CTNNBL1: variants seen among roughly 807,000 people sequenced by gnomAD.
The protein encoded by CTNNBL1 is beta-catenin-like protein 1.
Under a neutral mutation model 72.7 loss-of-function variants are expected in CTNNBL1, and 31 were observed. The observed-to-expected ratio is 0.43, with a 90% CI of 0.32 to 0.58. CTNNBL1 has a LOEUF of 0.58. CTNNBL1 is among the 20% of genes least tolerant of loss of function. The pLI, the probability that CTNNBL1 is intolerant of heterozygous loss-of-function variation, is 0.08. For missense variants in CTNNBL1, 534 were observed against 725.1 expected, an observed-to-expected ratio of 0.74 and a Z score of 3.03; for synonymous variants, 240 against 267.3, an observed-to-expected ratio of 0.90 and a Z score of 1.00.
intron 12 of CTNNBL1, 63 bp from the exon 13 acceptor site, chr20:37,842,276 C>T: frequency 1.8e-6 from 2 of 1,122,386 alleles, no homozygotes; most frequent in Non-Finnish European, 2.7e-6. Flanking sequence ...ATAGGAGTGC[C>T]ACTGTTCTCT....
In CTNNBL1 at chr20:37,757,860, C is replaced by T. The variant is rs541468938; in HGVS notation, c.564+204C>T. 5.3e-4 allele frequency among the ~76,000 whole-genome samples: 80 copies of T among 152,244 alleles called. No homozygotes were observed. In the South Asian group the frequency reaches 8.9e-3, roughly 17 times the overall value. On this transcript the variant is annotated intron_variant, in intron 5 of 15. Transcript: ENST00000361383. The stretch of plus-strand genomic sequence containing the variant: ...TTGGGACTGTGTCAGGTAGAGGCCT[C>T]GCCCTTATTAAGTCTCTGCTGTGGG...
chr20:37,779,735 A>T (rs2073609474), intron 10 of CTNNBL1, among the ~76,000 whole-genome samples: 1 of 152,164 alleles, frequency 6.6e-6, no homozygotes, highest in African/African-American at 2.4e-5. Flanking sequence ...TATTGAAAGC[A>T]GCGTATCATT....
intron 10 of CTNNBL1, among the ~76,000 whole-genome samples, chr20:37,787,941 C>G (rs565225900): frequency 2.0e-5 from 3 of 152,142 alleles, no homozygotes; most frequent in Non-Finnish European, 4.4e-5. Flanking sequence ...TGGCCTCTGC[C>G]TCATCCTCCT....
At chr20:37,781,693 C>T (rs1319603384) in intron 10 of CTNNBL1, among the ~76,000 whole-genome samples, 1 of 152,184 alleles carries the variant, frequency 6.6e-6, no homozygotes, top group Non-Finnish European at 1.5e-5. Context: ...ACTATAGTCA[C>T]CCTTTCTGAT....
At chr20:37,718,634 G>C (rs955161866) in intron 1 of CTNNBL1, among the ~76,000 whole-genome samples, 19 of 152,194 alleles carry the variant, frequency 1.2e-4, no homozygotes, top group Non-Finnish European at 2.2e-4. Flanking sequence ...TGGCCAGGCG[G>C]GGGGCTGACC....
intron 1 of CTNNBL1, among the ~76,000 whole-genome samples, chr20:37,694,578 C>T (rs765856841): frequency 1.3e-5 from 2 of 152,226 alleles, no homozygotes; most frequent in African/African-American, 2.4e-5. Flanking sequence ...CATTCCCCCC[C>T]TCTTTGAACC....
chr20:37,790,116 A>G (rs1449899025), intron 10 of CTNNBL1, among the ~76,000 whole-genome samples: 1 of 152,256 alleles, frequency 6.6e-6, no homozygotes, highest in East Asian at 1.9e-4. Flanking sequence ...TCTGATAAAG[A>G]AAACAAATAA....
chr20:37,846,135 G>A (rs918749648), intron 13 of CTNNBL1, among the ~76,000 whole-genome samples: 2 of 151,714 alleles, frequency 1.3e-5, no homozygotes, highest in Non-Finnish European at 1.5e-5. Flanking sequence ...GACAAGGGCT[G>A]GAGGATCCGG....
At chr20:37,783,354 T>C (rs138196502) in intron 10 of CTNNBL1, among the ~76,000 whole-genome samples, 1 of 152,310 alleles carries the variant, frequency 6.6e-6, no homozygotes, top group East Asian at 1.9e-4. Context: ...TTTTTGTTTG[T>C]TTCATTTATT....
intron 11 of CTNNBL1, among the ~76,000 whole-genome samples, chr20:37,820,840 G>A (rs1419059039): frequency 6.6e-6 from 1 of 152,184 alleles, no homozygotes; most frequent in African/African-American, 2.4e-5. Flanking sequence ...TAGCGTGAAT[G>A]TGAACTAATA....
chr20:37,808,534 A>G (rs758562723), intron 11 of CTNNBL1, among the ~76,000 whole-genome samples: 2 of 152,220 alleles, frequency 1.3e-5, no homozygotes, highest in Admixed American at 6.5e-5. Context: ...GAGACAAGGA[A>G]CAGAATACAA....
intron 11 of CTNNBL1, 66 bp downstream of exon 11, chr20:37,803,114 C>T: frequency 7.0e-7 from 1 of 1,434,576 alleles, no homozygotes; most frequent in African/African-American, 1.4e-5. Flanking sequence ...ATGTGAACTA[C>T]TTTGAAAAAT....
At chr20:37,870,419 C>T (rs1028334093) in intron 15 of CTNNBL1, among the ~76,000 whole-genome samples, 1 of 152,098 alleles carries the variant, frequency 6.6e-6, no homozygotes, top group South Asian at 2.1e-4. Context: ...GCACCTGTGC[C>T]CCCAGTCCTT....
chr20:37,779,459 G>C, intron 10 of CTNNBL1, 124 bp downstream of exon 10: 5 of 1,101,484 alleles, frequency 4.5e-6, no homozygotes, highest in Non-Finnish European at 6.6e-6. Context: ...ACCCTGAAGA[G>C]TAAAGTCTTC....
intron 1 of CTNNBL1, 85 bp downstream of exon 1, chr20:37,694,237 C>T (rs768981393): frequency 8.1e-6 from 10 of 1,236,384 alleles, no homozygotes; most frequent in Non-Finnish European, 1.1e-5. Flanking sequence ...CTCACCTCCT[C>T]TCGCCTCACT....
At chr20:37,754,839 G>C (rs1035074300) in intron 4 of CTNNBL1, among the ~76,000 whole-genome samples, 1 of 150,014 alleles carries the variant, frequency 6.7e-6, no homozygotes, top group East Asian at 2.0e-4. Context: ...ACAGGGTCTC[G>C]CTTTATCACC....
intron 10 of CTNNBL1, among the ~76,000 whole-genome samples, chr20:37,781,020 A>C (rs1409571316): frequency 1.3e-5 from 2 of 152,182 alleles, no homozygotes; most frequent in Non-Finnish European, 2.9e-5. Flanking sequence ...CCTTGCATTG[A>C]CCAAAAGTCT....
chr20:37,866,368 T>C (rs2072536839), intron 15 of CTNNBL1, among the ~76,000 whole-genome samples: 2 of 152,190 alleles, frequency 1.3e-5, no homozygotes, highest in African/African-American at 4.8e-5. Flanking sequence ...CCATGGAGCC[T>C]GCAGTGAGTT....
At chr20:37,815,579 A>G (rs2072049959) in intron 11 of CTNNBL1, among the ~76,000 whole-genome samples, 1 of 152,194 alleles carries the variant, frequency 6.6e-6, no homozygotes, top group Non-Finnish European at 1.5e-5. Context: ...CGGCCTCCCA[A>G]AGTGCTGGGA....
Sources: gnomAD v4.1 joint callset for allele counts (sites outside exome capture counted in the v4.1 genomes callset) on GRCh38, gnomAD v4.1.1 for gene constraint, MANE v1.5 for transcripts, NCBI Gene and HGNC (gene_info 2026-07-23, HGNC 2026-07-21) for gene names.